Variants in KAZN observed in about 807,000 individuals in gnomAD.
KAZN encodes kazrin.
KAZN carries 40 observed loss-of-function variants against 87.4 expected under a neutral mutation model. The ratio of observed to expected loss-of-function variants is 0.46; its 90% CI spans 0.36 to 0.60. The LOEUF (loss-of-function observed/expected upper bound fraction) is 0.60. Among genes scored for constraint, KAZN ranks in the 20% least tolerant of loss-of-function variants. KAZN has a pLI of 0.00. For synonymous variants in KAZN, 466 were observed against 458.3 expected (o/e 1.02, Z -0.22); for missense variants, 898 against 1,073.9 (o/e 0.84, Z 2.29).
intron 1 of KAZN, among the ~76,000 whole-genome samples, chr1:14,102,875 T>C (rs1644287880): frequency 6.6e-6 from 1 of 151,604 alleles, no homozygotes; most frequent in Admixed American, 6.6e-5. Flanking sequence ...TGTCATCCCA[T>C]GGGCTTCCCT....
At chr1:14,324,738 T>A (rs1431912134) in intron 2 of KAZN, among the ~76,000 whole-genome samples, 1 of 152,224 alleles carries the variant, frequency 6.6e-6, no homozygotes, top group Non-Finnish European at 1.5e-5. Flanking sequence ...ATGGCCTTCA[T>A]GTTTTAAAAG....
intron 2 of KAZN, among the ~76,000 whole-genome samples, chr1:14,373,001 C>A (rs1034433060): frequency 6.6e-6 from 1 of 151,904 alleles, no homozygotes; most frequent in Admixed American, 6.6e-5. Context: ...TGAGAGGGGC[C>A]CCCTGAGGAG....
intron 2 of KAZN, among the ~76,000 whole-genome samples, chr1:14,231,219 A>T (rs1348714601): frequency 1.3e-5 from 2 of 152,234 alleles, no homozygotes; most frequent in Non-Finnish European, 2.9e-5. Context: ...ATCAAAGCCA[A>T]TGAGATGACT....
intron 2 of KAZN, among the ~76,000 whole-genome samples, chr1:14,314,239 A>G (rs1204622753): frequency 6.6e-6 from 1 of 152,192 alleles, no homozygotes; most frequent in Non-Finnish European, 1.5e-5. Context: ...TGAGCTCTCC[A>G]CTTTGACCTG....
At chr1:14,147,985 C>T (rs868837420) in intron 1 of KAZN, among the ~76,000 whole-genome samples, 31 of 152,024 alleles carry the variant, frequency 2.0e-4, no homozygotes, top group African/African-American at 5.5e-4. Flanking sequence ...TTTAGGAGGC[C>T]GAGGTGGGAG....
intron 2 of KAZN, among the ~76,000 whole-genome samples, chr1:14,555,626 G>A (rs1007981608): frequency 6.6e-6 from 1 of 152,118 alleles, no homozygotes; most frequent in East Asian, 1.9e-4. Flanking sequence ...GAAAAAAAAA[G>A]AAGATCCCCA....
intron 1 of KAZN, among the ~76,000 whole-genome samples, chr1:14,956,958 C>G (rs1055701812): frequency 6.6e-6 from 1 of 152,172 alleles, no homozygotes; most frequent in Admixed American, 6.5e-5. Context: ...TTGCTCACAC[C>G]ATTTCCTCCT....
At chr1:14,168,368 G>T (rs1645877670) in intron 1 of KAZN, among the ~76,000 whole-genome samples, 1 of 152,192 alleles carries the variant, frequency 6.6e-6, no homozygotes, top group Admixed American at 6.5e-5. Context: ...AAGGCAGAGT[G>T]GTGCAGAGTT....
chr1:15,035,024 T>A, intron 3 of KAZN, 139 bp downstream of exon 3: 1 of 1,054,706 alleles, frequency 9.5e-7, no homozygotes, highest in Non-Finnish European at 1.4e-6. Flanking sequence ...CAGCCAGGCC[T>A]AGGCACCGAG....
At chr1:14,088,007 T>TC (rs1406455151) in intron 1 of KAZN, among the ~76,000 whole-genome samples, 3,681 of 148,064 alleles carry the variant, frequency 0.025, 138 homozygotes, top group African/African-American at 0.085. Context: ...TTTTTTTTTT[T>TC]TCTTGATGTA....
At chr1:14,170,630 T>G (rs895701652) in intron 1 of KAZN, among the ~76,000 whole-genome samples, 1 of 152,254 alleles carries the variant, frequency 6.6e-6, no homozygotes, top group African/African-American at 2.4e-5. Context: ...CACCACTATC[T>G]AGTCCCAGAA....
At position 14,910,656 on chromosome 1, in the gene KAZN, G is replaced by A. The variant is rs148397494; in HGVS notation, c.227-50028G>A. Among the ~76,000 whole-genome samples the A allele has an allele frequency of 3.4e-3, 512 of 152,296 alleles. 7 individuals carry two copies. Among genetic ancestry groups the A allele is most frequent in the Admixed American group, 8.4e-3 (128 of 15,302 alleles). ...GGAACTATGGCTCCAGCACAGAGACGCTGCAGAGGAGGGCTCAAAATCCCC... is the reference window on the plus strand; with the variant it reads ...GGAACTATGGCTCCAGCACAGAGACACTGCAGAGGAGGGCTCAAAATCCCC... On this transcript the variant is annotated intron_variant, in intron 1 of 14. Coordinates refer to ENST00000376030, the MANE Select transcript of KAZN (RefSeq NM_201628.3).
At chr1:14,952,720 A>G (rs1347129797) in intron 1 of KAZN, among the ~76,000 whole-genome samples, 1 of 151,924 alleles carries the variant, frequency 6.6e-6, no homozygotes, top group Non-Finnish European at 1.5e-5. Context: ...CAGCACATTC[A>G]TCTCTGCTGT....
At chr1:14,050,193 CAT>C (rs1202568312) in intron 1 of KAZN, among the ~76,000 whole-genome samples, 4 of 149,692 alleles carry the variant, frequency 2.7e-5, no homozygotes, top group Admixed American at 6.6e-5. Flanking sequence ...TGTGTGTACA[CAT>C]ATGTGCACAT....
intron 1 of KAZN, among the ~76,000 whole-genome samples, chr1:14,714,950 A>G (rs532586681): frequency 4.1e-4 from 62 of 151,114 alleles, no homozygotes; most frequent in African/African-American, 1.5e-3. Context: ...ACACACCATC[A>G]TGCCCAACTA....
chr1:15,091,628 G>T (rs1408113835), intron 8 of KAZN, among the ~76,000 whole-genome samples: 1 of 152,220 alleles, frequency 6.6e-6, no homozygotes, highest in Non-Finnish European at 1.5e-5. Context: ...ACAGGCGTGA[G>T]CCACCGCACC....
chr1:14,873,967 T>C (rs1652466677), intron 1 of KAZN, among the ~76,000 whole-genome samples: 1 of 152,130 alleles, frequency 6.6e-6, no homozygotes, highest in Admixed American at 6.5e-5. Flanking sequence ...ACTTGTCATT[T>C]CTTGAAATAG....
At chr1:14,048,857 T>C (rs944009677) in intron 1 of KAZN, among the ~76,000 whole-genome samples, 4 of 152,212 alleles carry the variant, frequency 2.6e-5, no homozygotes, top group Admixed American at 6.5e-5. Flanking sequence ...CTGACTTCCA[T>C]AATGGTTGAA....
chr1:14,767,502 C>T (rs532853554), intron 1 of KAZN, among the ~76,000 whole-genome samples: 2 of 152,330 alleles, frequency 1.3e-5, no homozygotes, highest in South Asian at 4.1e-4. Flanking sequence ...TAGGCAAAGT[C>T]TGAAGACTGG....
Sources: gnomAD v4.1 joint callset for allele counts (sites outside exome capture counted in the v4.1 genomes callset) on GRCh38, gnomAD v4.1.1 for gene constraint, MANE v1.5 for transcripts, NCBI Gene and HGNC (gene_info 2026-07-23, HGNC 2026-07-21) for gene names.